GALNT13: variants seen among roughly 807,000 people sequenced by gnomAD.
The protein encoded by GALNT13 is UDP-GalNAc:polypeptide N-acetylgalactosaminyltransferase 13.
In GALNT13, 28 loss-of-function variants were observed where a neutral mutation model predicts 64.2. The observed-to-expected ratio is 0.44, with a 90% CI of 0.32 to 0.60. GALNT13 has a LOEUF of 0.60. GALNT13 is among the 20% of genes least tolerant of loss of function. GALNT13 has a pLI of 0.05. For synonymous variants in GALNT13, 214 were observed against 224.6 expected, an observed-to-expected ratio of 0.95 and a Z score of 0.42; for missense variants, 577 against 669.8, an observed-to-expected ratio of 0.86 and a Z score of 1.53.
the GALNT13 span, among the ~76,000 whole-genome samples, chr2:153,845,056 T>C: frequency 6.6e-6 from 1 of 152,156 alleles, no homozygotes; most frequent in African/African-American, 2.4e-5. Flanking sequence ...TTCCTCATCT[T>C]CCCATCTTCT....
intron 2 of GALNT13, among the ~76,000 whole-genome samples, chr2:153,930,663 T>C (rs762549601): frequency 5.3e-5 from 8 of 152,196 alleles, no homozygotes; most frequent in Non-Finnish European, 1.2e-4. Flanking sequence ...TTCTTTCTTC[T>C]GTTCCACTGG....
At chr2:154,364,642 GTTGTTTTGTTTTGTT>G (rs10618298) in intron 9 of GALNT13, among the ~76,000 whole-genome samples, 67,228 of 149,526 alleles carry the variant, frequency 0.45, 15,267 homozygotes, top group South Asian at 0.5. Context: ...CTTCACTTTT[GTTGTTTTGTTTTGTT>G]TTGTTTTGTT....
At chr2:154,217,720 G>A (rs570696806) in intron 4 of GALNT13, among the ~76,000 whole-genome samples, 1 of 152,222 alleles carries the variant, frequency 6.6e-6, no homozygotes, top group Non-Finnish European at 1.5e-5. Context: ...TTTTTCATGA[G>A]TAATGCATGC....
intron 3 of GALNT13, among the ~76,000 whole-genome samples, chr2:153,992,018 G>C (rs1695190115): frequency 6.6e-6 from 1 of 152,106 alleles, no homozygotes; most frequent in African/African-American, 2.4e-5. Context: ...TCATGAAAAT[G>C]AAACATTAAT....
intron 3 of GALNT13, among the ~76,000 whole-genome samples, chr2:154,004,353 G>T (rs1481519283): frequency 1.3e-5 from 2 of 152,010 alleles, no homozygotes; most frequent in Non-Finnish European, 1.5e-5. Flanking sequence ...CTACAGGCAT[G>T]CATCGCCACG....
At chr2:153,428,482 T>C in the GALNT13 span, among the ~76,000 whole-genome samples, 2 of 152,174 alleles carry the variant, frequency 1.3e-5, no homozygotes, top group African/African-American at 4.8e-5. Context: ...AGATGCTTTC[T>C]TCCCATCAGG....
intron 4 of GALNT13, among the ~76,000 whole-genome samples, chr2:154,171,386 G>T (rs895569191): frequency 6.6e-5 from 10 of 152,074 alleles, no homozygotes; most frequent in Admixed American, 3.3e-4. Flanking sequence ...ATGTAGAAAA[G>T]CATGCTATAA....
chr2:153,516,348 G>A, the GALNT13 span, among the ~76,000 whole-genome samples: 3 of 152,304 alleles, frequency 2.0e-5, no homozygotes, highest in African/African-American at 7.2e-5. Context: ...AATTTGGCAG[G>A]ATTGATTAAG....
At chr2:153,578,831 C>A in the GALNT13 span, among the ~76,000 whole-genome samples, 1 of 152,218 alleles carries the variant, frequency 6.6e-6, no homozygotes, top group Non-Finnish European at 1.5e-5. Context: ...GTGCAAAACA[C>A]ATTGGCGTCA....
At chr2:153,804,350 A>C in the GALNT13 span, among the ~76,000 whole-genome samples, 1 of 151,906 alleles carries the variant, frequency 6.6e-6, no homozygotes, top group Non-Finnish European at 1.5e-5. Context: ...TTATGTTTTA[A>C]TTTTTTGGTA....
intron 1 of GALNT13, among the ~76,000 whole-genome samples, chr2:153,872,728 C>T (rs1219716714): frequency 6.6e-6 from 1 of 151,696 alleles, no homozygotes; most frequent in African/African-American, 2.4e-5. Flanking sequence ...CAGCTGCAGG[C>T]AGCCCCGGCT....
At chr2:153,870,887 T>G (rs1574007947), upstream of GALNT13, among the ~76,000 whole-genome samples, 3 of 152,064 alleles carry the variant, frequency 2.0e-5, no homozygotes, top group Admixed American at 2.0e-4. Flanking sequence ...TGTCAGCCCT[T>G]ATTACAAACA....
intron 3 of GALNT13, among the ~76,000 whole-genome samples, chr2:154,111,794 T>C (rs970570170): frequency 1.3e-5 from 2 of 152,150 alleles, no homozygotes; most frequent in African/African-American, 2.4e-5. Flanking sequence ...CAAAGTATTG[T>C]CACCTAGTTG....
the GALNT13 span, among the ~76,000 whole-genome samples, chr2:153,473,224 C>A: frequency 6.6e-6 from 1 of 152,062 alleles, no homozygotes; most frequent in Non-Finnish European, 1.5e-5. Flanking sequence ...GTTATCCTTA[C>A]AACAGTCCTT....
At chr2:154,131,234 A>T (rs996703814) in intron 3 of GALNT13, among the ~76,000 whole-genome samples, 1 of 144,074 alleles carries the variant, frequency 6.9e-6, no homozygotes, top group Non-Finnish European at 1.5e-5. Context: ...GTGCCAAACA[A>T]CCTCTTATTG....
chr2:154,023,367 TG>T (rs1697682771), intron 3 of GALNT13, among the ~76,000 whole-genome samples: 1 of 152,244 alleles, frequency 6.6e-6, no homozygotes, highest in African/African-American at 2.4e-5. Context: ...TTTATGAATC[TG>T]GGTGCTCCTG....
chr2:154,000,407 T>G (rs1695826712), intron 3 of GALNT13, among the ~76,000 whole-genome samples: 1 of 152,070 alleles, frequency 6.6e-6, no homozygotes, highest in East Asian at 1.9e-4. Context: ...GGTTGTTTAT[T>G]TGAAACCTTT....
intron 11 of GALNT13, among the ~76,000 whole-genome samples, chr2:154,422,893 G>C (rs144000267): frequency 5.7e-4 from 87 of 152,154 alleles, no homozygotes; most frequent in Non-Finnish European, 9.7e-4. Flanking sequence ...TTAACCAAGT[G>C]ACCCGTGAGG....
intron 4 of GALNT13, among the ~76,000 whole-genome samples, chr2:154,167,849 G>T (rs1210540191): frequency 6.6e-6 from 1 of 152,184 alleles, no homozygotes; most frequent in African/African-American, 2.4e-5. Context: ...ATGGTACCCT[G>T]GTATGGCATG....
Sources: gnomAD v4.1 joint callset for allele counts (sites outside exome capture counted in the v4.1 genomes callset) on GRCh38, gnomAD v4.1.1 for gene constraint, MANE v1.5 for transcripts, NCBI Gene and HGNC (gene_info 2026-07-23, HGNC 2026-07-21) for gene names.